Variants in PPFIBP2 observed in about 807,000 individuals in gnomAD.
PPFIBP2 encodes PPFIB scaffold protein 2, also known as liprin-beta-2.
In PPFIBP2, 118 loss-of-function variants were observed where a neutral mutation model predicts 118.3. The observed-to-expected ratio is 1.00, with a 90% CI of 0.86 to 1.16. The LOEUF (loss-of-function observed/expected upper bound fraction) is 1.16. Ranked by LOEUF, PPFIBP2 falls within the 50% of genes most tolerant of loss-of-function variation. PPFIBP2 has a pLI of 0.00. For missense variants in PPFIBP2, 1,195 were observed against 1,073.1 expected (o/e 1.11, Z -1.59); for synonymous variants, 414 against 397.4 (o/e 1.04, Z -0.50).
chr11:7,533,764 A>T (rs1164400017), intron 1 of PPFIBP2, among the ~76,000 whole-genome samples: 1 of 152,244 alleles, frequency 6.6e-6, no homozygotes, highest in Non-Finnish European at 1.5e-5. Flanking sequence ...GTATTTCTGT[A>T]TGCGAGGGTA....
chr11:7,626,898 C>T (rs1032309422), intron 8 of PPFIBP2, among the ~76,000 whole-genome samples: 1 of 152,356 alleles, frequency 6.6e-6, no homozygotes, highest in South Asian at 2.1e-4. Context: ...ATGGCTTAGG[C>T]TGGAGAAGGA....
chr11:7,600,457 A>C (rs1286626630), intron 5 of PPFIBP2, among the ~76,000 whole-genome samples: 1 of 152,230 alleles, frequency 6.6e-6, no homozygotes, highest in African/African-American at 2.4e-5. Context: ...ACAGGCAAAC[A>C]CTTGCCTGAT....
chr11:7,651,064 T>A, intron 22 of PPFIBP2, 99 bp downstream of exon 22: 1 of 1,280,694 alleles, frequency 7.8e-7, no homozygotes, highest in Admixed American at 2.2e-5. Flanking sequence ...CGAAAAAAAA[T>A]AGGTACTTCA....
intron 1 of PPFIBP2, among the ~76,000 whole-genome samples, chr11:7,523,445 C>T (rs1017037844): frequency 1.3e-5 from 2 of 152,222 alleles, no homozygotes; most frequent in Non-Finnish European, 2.9e-5. Flanking sequence ...ACTTGTCAAA[C>T]TTCCCTTTCT....
intron 5 of PPFIBP2, among the ~76,000 whole-genome samples, chr11:7,607,236 G>A (rs1445739043): frequency 9.0e-5 from 13 of 144,440 alleles, no homozygotes; most frequent in Non-Finnish European, 1.1e-4. Flanking sequence ...TTAAGACAGG[G>A]TCTCACTGTC....
chr11:7,597,719 T>C (rs1590464562), intron 5 of PPFIBP2, 46 bp downstream of exon 5: 2 of 1,478,674 alleles, frequency 1.4e-6, no homozygotes, highest in Non-Finnish European at 1.9e-6. Context: ...AAGCAGCTCA[T>C]GTGCTGAAGC....
chr11:7,665,068 G>T, the PPFIBP2 span: 1 of 209,692 alleles, frequency 4.8e-6, no homozygotes, highest in Admixed American at 5.3e-5. Flanking sequence ...TGACTGCCTA[G>T]CACGTCCCCC....
At chr11:7,635,447 C>A in intron 13 of PPFIBP2, 105 bp from the exon 14 acceptor site, 1 of 1,077,832 alleles carries the variant, frequency 9.3e-7, no homozygotes, top group Non-Finnish European at 1.4e-6. Context: ...GGAGGGGATG[C>A]GCCTTTCAGA....
rs758432552 is a variant in PPFIBP2, at chr11:7,620,968, A to C, written c.652A>C (p.Lys218Gln). Residue 218 changes from lysine (K) to glutamine (Q), a missense_variant, in exon 7 of 24, where the codon AAA (lysine) becomes CAA (glutamine). Lys to Gln is a moderately conservative substitution (Grantham distance 53). Transcript: ENST00000299492. ...LLQELRHLKI[K>Q]VEELENERNQ... ...GCAAGAGCTCAGGCACCTCAAAATCAAAGTGGAAGAGTTGGAAAATGAAAG... is the reference window on the plus strand; with the variant it reads ...GCAAGAGCTCAGGCACCTCAAAATCCAAGTGGAAGAGTTGGAAAATGAAAG... The C allele has an allele frequency of 6.2e-7, 1 of 1,613,254 alleles. No individual in the cohort carries two copies. The highest frequency in any genetic ancestry group is 8.5e-7 in the Non-Finnish European group (1 of 1,179,206).
At chr11:7,662,413 G>C in the PPFIBP2 span, among the ~76,000 whole-genome samples, 1 of 152,052 alleles carries the variant, frequency 6.6e-6, no homozygotes, top group Non-Finnish European at 1.5e-5. Context: ...ATGAAGCTTA[G>C]TTTGGCTGGA....
At chr11:7,597,382 C>T (rs1209371672) in intron 4 of PPFIBP2, 178 bp from the exon 5 acceptor site, 38 of 1,536,702 alleles carry the variant, frequency 2.5e-5, no homozygotes, top group Non-Finnish European at 3.3e-5. Flanking sequence ...AGGTAAGAAT[C>T]TAACTGCAGC....
At chr11:7,632,654 G>A (rs991715219) in intron 11 of PPFIBP2, 4 of 499,708 alleles carry the variant, frequency 8.0e-6, no homozygotes, top group Non-Finnish European at 1.5e-5. Flanking sequence ...CTAGGGTCCA[G>A]GAAGGAGAGG....
chr11:7,544,598 C>T (rs1379887865), intron 1 of PPFIBP2, among the ~76,000 whole-genome samples: 2 of 151,798 alleles, frequency 1.3e-5, no homozygotes, highest in African/African-American at 2.4e-5. Flanking sequence ...CACGGTGAAA[C>T]CCCATCTCTA....
At position 7,616,925 on chromosome 11, in the gene PPFIBP2, G is replaced by A. The variant is rs999487908; in HGVS notation, c.619-4010G>A. 2.6e-5 allele frequency among the ~76,000 whole-genome samples: 4 copies of A among 152,048 alleles called. No homozygotes were observed. The highest frequency in any genetic ancestry group is 5.9e-5 in the Non-Finnish European group (4 of 67,994). ...CAAGACAGGCATCTGGATGGGGCAG[G>A]CCTGAGGAAAAATGCCATGTCTTTT... On this transcript the variant is annotated intron_variant, in intron 6 of 23. Transcript: ENST00000299492. This position sits in a 1 kb window ranked among gnomAD's most constrained non-coding sequence, Gnocchi z 5.2.
chr11:7,575,404 A>G (rs1856173522), intron 3 of PPFIBP2, among the ~76,000 whole-genome samples: 1 of 152,166 alleles, frequency 6.6e-6, no homozygotes, highest in Admixed American at 6.5e-5. Flanking sequence ...GGGAGTGAGC[A>G]AGGCTGATGA....
chr11:7,630,326 T>G (rs1194951188), intron 10 of PPFIBP2, among the ~76,000 whole-genome samples: 1 of 152,168 alleles, frequency 6.6e-6, no homozygotes, highest in African/African-American at 2.4e-5. Flanking sequence ...TTTTTTCTCT[T>G]TTTGAGATGG....
intron 5 of PPFIBP2, among the ~76,000 whole-genome samples, chr11:7,604,370 CAG>C (rs1224088628): frequency 6.6e-6 from 1 of 152,060 alleles, no homozygotes; most frequent in African/African-American, 2.4e-5. Context: ...TTGGTGAAGG[CAG>C]AAGCCAGGTT....
At chr11:7,536,958 T>G (rs1373202153) in intron 1 of PPFIBP2, among the ~76,000 whole-genome samples, 2 of 152,086 alleles carry the variant, frequency 1.3e-5, no homozygotes, top group African/African-American at 4.8e-5. Flanking sequence ...GGTGGGGACC[T>G]GAAGTGGGCA....
At chr11:7,639,896 G>C (rs1414179698) in intron 15 of PPFIBP2, 26 bp downstream of exon 15, 2 of 1,608,638 alleles carry the variant, frequency 1.2e-6, no homozygotes, top group Non-Finnish European at 1.7e-6. Context: ...TGGTGCTGGT[G>C]GCCTCTGAGC....
Sources: gnomAD v4.1 joint callset for allele counts (sites outside exome capture counted in the v4.1 genomes callset) on GRCh38, gnomAD v4.1.1 for gene constraint, Gnocchi (gnomAD v3.1) non-coding constraint, MANE v1.5 for transcripts, NCBI Gene and HGNC (gene_info 2026-07-23, HGNC 2026-07-21) for gene names.